The following CUX2 variants were observed in gnomAD, a reference collection of about 807,000 sequenced individuals.
CUX2 encodes the protein homeobox protein cut-like 2.
In CUX2, 40 loss-of-function variants were observed where a neutral mutation model predicts 144.8. That is an observed-to-expected ratio of 0.28 (90% CI 0.21 to 0.36). CUX2 has a LOEUF of 0.36. CUX2 is among the 10% of genes least tolerant of loss of function. CUX2 has a pLI of 1.00. For missense variants in CUX2, 1,615 were observed against 1,994.0 expected (o/e 0.81, Z 3.62); for synonymous variants, 827 against 875.6 (o/e 0.94, Z 0.98).
intron 3 of CUX2, among the ~76,000 whole-genome samples, chr12:111,241,693 C>A (rs1883027646): frequency 1.3e-5 from 2 of 152,286 alleles, no homozygotes; most frequent in South Asian, 2.1e-4. Flanking sequence ...GACCCCATGG[C>A]TCATTCAACC....
intron 3 of CUX2, among the ~76,000 whole-genome samples, chr12:111,249,409 T>TC (rs1883445818): frequency 6.6e-6 from 1 of 150,576 alleles, no homozygotes; most frequent in Admixed American, 6.6e-5. Flanking sequence ...CCTTTTTTTT[T>TC]TTTTTTTTTT....
rs1213790041 is a variant in CUX2 at position 111,034,970 on chromosome 12, C to G, written c.63+730C>G. On this transcript the variant is annotated intron_variant, in intron 1 of 21. Coordinates refer to ENST00000261726, the MANE Select transcript of CUX2 (RefSeq NM_015267.4). The surrounding 1 kb of genome is among the most constrained non-coding windows in gnomAD (Gnocchi z 4.2). Reference sequence around the variant, plus strand: ...GGTTCGTCTTGCTTCTTGCCTTTACCCCCCCGCCCCTTCCATCCCCTTCCC... The same window carrying G: ...GGTTCGTCTTGCTTCTTGCCTTTACGCCCCCGCCCCTTCCATCCCCTTCCC... 6.6e-6 allele frequency among the ~76,000 whole-genome samples: 1 copy of G among 151,982 alleles called. No individual in the cohort carries two copies. The highest frequency in any genetic ancestry group is 1.5e-5 in the Non-Finnish European group (1 of 67,946).
chr12:111,095,611 T>G (rs1010748120), intron 1 of CUX2, among the ~76,000 whole-genome samples: 1 of 152,234 alleles, frequency 6.6e-6, no homozygotes, highest in Non-Finnish European at 1.5e-5. Flanking sequence ...CCATTTTAAG[T>G]CTCAGTTTCC....
intron 18 of CUX2, among the ~76,000 whole-genome samples, chr12:111,333,053 C>CA (rs1195052362): frequency 6.6e-6 from 1 of 152,080 alleles, no homozygotes; most frequent in Admixed American, 6.6e-5. Flanking sequence ...ACTAAGAATA[C>CA]AAAAAATTAG....
rs142793134 is a variant in CUX2 at position 111,092,527 on chromosome 12, G to A, written c.63+58287G>A. ...AATGCTAGACACTGACTAGTCCAAG[G>A]TCTCATTTGGACAAAGAATCTGGGA... On this transcript the variant is annotated intron_variant, in intron 1 of 21. Transcript: ENST00000261726. Among the ~76,000 whole-genome samples, 473 of 152,262 alleles carry A rather than the reference G, an allele frequency of 3.1e-3. 4 individuals carry two copies. Among genetic ancestry groups the A allele is most frequent in the African/African-American group, 0.01 (429 of 41,544 alleles).
chr12:111,192,476 T>G (rs780326715), intron 1 of CUX2, among the ~76,000 whole-genome samples: 1 of 150,998 alleles, frequency 6.6e-6, no homozygotes, highest in Non-Finnish European at 1.5e-5. Flanking sequence ...CCCTTTCTTT[T>G]CCCCGAGAAC....
rs1880990351 is a variant in CUX2, at chr12:111,207,622, A to G, written c.64-6578A>G. On this transcript the variant is annotated intron_variant, in intron 1 of 21. Transcript: ENST00000261726. Reference sequence around the variant, plus strand: ...TGAAACCTGGCCTGGAATCTCGACCATCACTTCACATACATATCCTTACAA... The same window carrying G: ...TGAAACCTGGCCTGGAATCTCGACCGTCACTTCACATACATATCCTTACAA... 2.6e-5 allele frequency among the ~76,000 whole-genome samples: 4 copies of G among 152,184 alleles called. No individual in the cohort carries two copies. The South Asian group carries it at 6.2e-4, about 24-fold the overall frequency.
chr12:111,134,786 T>G (rs1248758265), intron 1 of CUX2, among the ~76,000 whole-genome samples: 4 of 152,116 alleles, frequency 2.6e-5, no homozygotes, highest in African/African-American at 9.7e-5. Flanking sequence ...GAGGTGACAC[T>G]TGAGCTGTGT....
At chr12:111,176,966 T>C (rs531770011) in intron 1 of CUX2, among the ~76,000 whole-genome samples, 83 of 152,316 alleles carry the variant, frequency 5.4e-4, no homozygotes, top group African/African-American at 2.0e-3. Context: ...TAGCAACATC[T>C]CCAGCCTCCA....
At chr12:111,280,213 C>T (rs1015830226) in intron 4 of CUX2, among the ~76,000 whole-genome samples, 14 of 152,264 alleles carry the variant, frequency 9.2e-5, no homozygotes, top group East Asian at 1.9e-4. Flanking sequence ...CGCTTGAACC[C>T]GGGAGACGGA....
intron 1 of CUX2, among the ~76,000 whole-genome samples, chr12:111,193,327 GT>G (rs1880017998): frequency 1.3e-5 from 2 of 152,212 alleles, no homozygotes; most frequent in Middle Eastern, 3.2e-3. Flanking sequence ...GTTCTGAGGT[GT>G]TTTCTACAGC....
intron 1 of CUX2, among the ~76,000 whole-genome samples, chr12:111,094,136 C>A (rs747330626): frequency 8.5e-5 from 13 of 152,234 alleles, no homozygotes; most frequent in Non-Finnish European, 1.8e-4. Context: ...CTTTCCCCCA[C>A]ATTTTAGAGG....
intron 1 of CUX2, among the ~76,000 whole-genome samples, chr12:111,110,435 C>G (rs575782713): frequency 3.0e-4 from 46 of 152,116 alleles, no homozygotes; most frequent in Non-Finnish European, 1.9e-4. Context: ...ATATAATATC[C>G]CTTCGCCAGA....
At chr12:111,166,786 C>T (rs768559857) in intron 1 of CUX2, among the ~76,000 whole-genome samples, 1 of 152,124 alleles carries the variant, frequency 6.6e-6, no homozygotes, top group Non-Finnish European at 1.5e-5. Flanking sequence ...TGCCCAGGAC[C>T]GAGAAGTCCT....
At chr12:111,102,718 T>G (rs1873333071) in intron 1 of CUX2, among the ~76,000 whole-genome samples, 1 of 152,164 alleles carries the variant, frequency 6.6e-6, no homozygotes, top group South Asian at 2.1e-4. Flanking sequence ...TGTGTAGAAG[T>G]TCTAGTTCTT....
chr12:111,192,920 C>CA (rs1879987652), intron 1 of CUX2, among the ~76,000 whole-genome samples: 1 of 152,196 alleles, frequency 6.6e-6, no homozygotes, highest in Non-Finnish European at 1.5e-5. Flanking sequence ...AAACATGTCT[C>CA]AGTTTTAATT....
Position 111,348,440 on chromosome 12 carries a change from G to A in CUX2, c.*115G>A. On this transcript the variant is annotated 3_prime_UTR_variant, in exon 22 of 22. Coordinates refer to ENST00000261726, the MANE Select transcript of CUX2 (RefSeq NM_015267.4). The stretch of plus-strand genomic sequence containing the variant: ...GAACTCAACCATCAAAATGTGGACA[G>A]CAATGTTATGCCGTTTACGTTTTTT... The A allele has an allele frequency of 1.0e-6, 1 of 972,682 alleles. No individual in the cohort carries two copies. The highest frequency in any genetic ancestry group is 1.6e-5 in the South Asian group (1 of 62,298). The allele number at this position is 972,682 out of a possible 1,614,324, so 60.3% of individuals were successfully genotyped here. A position where few individuals can be genotyped will look rare whatever the true frequency, so the allele number is the denominator to read the frequency against.
intron 1 of CUX2, chr12:111,099,662 G>T: frequency 2.2e-6 from 1 of 456,720 alleles, no homozygotes; most frequent in Non-Finnish European, 4.4e-6. Context: ...AGGGGAAGGT[G>T]GGGGATGTCT....
Position 111,308,376 on chromosome 12 carries a change from G to T in CUX2, c.1158+43G>T, listed in dbSNP as rs774031848. On this transcript the variant is annotated intron_variant, in intron 13 of 21. Transcript: ENST00000261726. ...CATCCCTGCAGGGCAGGCTGCCCCA[G>T]TGAGCCTTCCGCCCACCAGGTGCCC... 23 of 1,613,858 alleles carry T rather than the reference G, an allele frequency of 1.4e-5. No individual in the cohort carries two copies. In the African/African-American group the frequency reaches 2.7e-4, roughly 19 times the overall value.
Sources: gnomAD v4.1 joint callset for allele counts (sites outside exome capture counted in the v4.1 genomes callset) on GRCh38, gnomAD v4.1.1 for gene constraint, Gnocchi (gnomAD v3.1) non-coding constraint, MANE v1.5 for transcripts, NCBI Gene and HGNC (gene_info 2026-07-23, HGNC 2026-07-21) for gene names.